Variants in CD5L observed in about 807,000 individuals in gnomAD.
The protein encoded by CD5L is CD5 antigen-like.
CD5L carries 39 observed loss-of-function variants against 40.8 expected under a neutral mutation model. The observed-to-expected ratio is 0.96, with a 90% CI of 0.74 to 1.25. The LOEUF (loss-of-function observed/expected upper bound fraction) is 1.25, where lower values mean the gene tolerates loss of function less well. CD5L is among the 50% of genes most tolerant of loss of function. CD5L has a pLI of 0.00. For missense variants in CD5L, 433 were observed against 435.9 expected, an observed-to-expected ratio of 0.99 and a Z score of 0.06; for synonymous variants, 192 against 169.6, an observed-to-expected ratio of 1.13 and a Z score of -1.03.
At chr1:157,827,401 G>T (rs1655929924), downstream of CD5L, among the ~76,000 whole-genome samples, 2 of 151,976 alleles carry the variant, frequency 1.3e-5, no homozygotes, top group South Asian at 4.2e-4. Flanking sequence ...AGGTGGTGAT[G>T]TAGTTCCAAA....
chr1:157,836,244 C>T, intron 2 of CD5L, 89 bp from the exon 3 acceptor site: 2 of 1,059,926 alleles, frequency 1.9e-6, no homozygotes, highest in Non-Finnish European at 2.7e-6. Flanking sequence ...ACTCTTCCAC[C>T]ATTCAAATGG....
At chr1:157,832,241 G>A (rs1480525726) in intron 5 of CD5L, among the ~76,000 whole-genome samples, 2 of 152,100 alleles carry the variant, frequency 1.3e-5, no homozygotes, top group African/African-American at 4.8e-5. Context: ...GAGGTAAACC[G>A]GACAAGTGTC....
downstream of CD5L, among the ~76,000 whole-genome samples, chr1:157,828,498 A>G (rs1292014408): frequency 6.6e-6 from 1 of 152,078 alleles, no homozygotes; most frequent in Non-Finnish European, 1.5e-5. Context: ...AAGGTTTAAC[A>G]CCAACAGGAG....
rs374773038 is a variant in CD5L at position 157,835,938 on chromosome 1, G to A, written c.273C>T (p.Ile91=). 2.2e-5 allele frequency: 35 copies of A among 1,614,034 alleles called. No homozygotes were observed. Among genetic ancestry groups the A allele is most frequent in the Non-Finnish European group, 2.7e-5 (32 of 1,180,022 alleles). The change falls in exon 3 of 6, where the codon ATC becomes ATT. Residue 91 remains isoleucine, a synonymous_variant. Coordinates refer to ENST00000368174, the MANE Select transcript of CD5L (RefSeq NM_005894.3). ...CTGTTCCTGTGCAACTGACTGATTG[G>A]ATGAGGACCTTTTGCTCTTTTTCTG... ...PPAEKEQKVL[I]QSVSCTGTED... is the part of the protein sequence containing the mutation.
chr1:157,836,119 T>C lies in CD5L; in HGVS notation c.92A>G (p.His31Arg), dbSNP rs763232111. Residue 31 changes from histidine to arginine, a missense_variant, in exon 3 of 6, where the codon CAC becomes CGC. Physicochemically the swap from His to Arg is conservative, Grantham distance 29 (BLOSUM62 0). Coordinates refer to ENST00000368174, the MANE Select transcript of CD5L (RefSeq NM_005894.3). ...CACCTCCACCCGCCCTTCACAGCGG[T>C]GGAGGCCCCCCACCAGCCGCACTCC... ...PSGVRLVGGLHRCEGRVEVEQ... is the reference protein window; with the variant it reads ...PSGVRLVGGLRRCEGRVEVEQ... The C allele has an allele frequency of 1.2e-6, 2 of 1,613,140 alleles. No homozygotes were observed. The highest frequency in any genetic ancestry group is 2.7e-5 in the African/African-American group (2 of 74,814).
At position 157,839,450 on chromosome 1, in the gene CD5L, A is replaced by G. The variant is rs182653318; in HGVS notation, c.29-40T>C. ...AGGAAATGAGTGAGGTCAATTTCCA[A>G]GGCTTTATTCAAAGAACACAACTCT... is the stretch of plus-strand genomic sequence containing the variant. On this transcript the variant is annotated intron_variant, in intron 1 of 5. Coordinates refer to ENST00000368174, the MANE Select transcript of CD5L (RefSeq NM_005894.3). 597 of 1,607,670 alleles carry G rather than the reference A, an allele frequency of 3.7e-4. 1 individual carries two copies. In the African/African-American group the frequency reaches 4.6e-3, roughly 12 times the overall value.
In CD5L at chr1:157,831,262, T is replaced by C. The variant is rs1489899602; in HGVS notation, c.*702A>G. ...ATGTCAACCATGTTGGCAGGTTGTA[T>C]AGGGATGGACAACAAAGATTTTTAT... On this transcript the variant is annotated 3_prime_UTR_variant, in exon 6 of 6. Coordinates refer to ENST00000368174, the MANE Select transcript of CD5L (RefSeq NM_005894.3). The C allele has an allele frequency of 5.1e-6, 5 of 985,186 alleles. No homozygotes were observed. The African/African-American group carries it at 7.0e-5, about 14-fold the overall frequency. The allele number at this position is 985,186 out of a possible 1,614,324, so 61.0% of individuals were successfully genotyped here.
In CD5L at chr1:157,834,646, T is replaced by A. The variant is rs1160949718; in HGVS notation, c.479A>T (p.Tyr160Phe). The A allele has an allele frequency of 6.2e-7, 1 of 1,614,222 alleles. No homozygotes were observed. Among genetic ancestry groups the A allele is most frequent in the Admixed American group, 1.7e-5 (1 of 60,030 alleles). ...GCTCCAGCCTGTCTGGCACACGGTA[T>A]ACCACTGGTTCTGGTGCTTCACTTC... is the stretch of plus-strand genomic sequence containing the variant. The part of the protein sequence containing the change: ...RVEVKHQNQW[Y>F]TVCQTGWSLR... The change falls in exon 4 of 6, where the codon TAT becomes TTT. Residue 160 changes from tyrosine to phenylalanine, a missense_variant. Transcript: ENST00000368174.
In CD5L at chr1:157,831,103, T is replaced by TCACTTTC. The variant is rs1189572078; in HGVS notation, c.*854_*860dup. 5 of 985,450 alleles carry TCACTTTC rather than the reference T, an allele frequency of 5.1e-6. No individual in the cohort carries two copies. The highest frequency in any genetic ancestry group is 6.0e-6 in the Non-Finnish European group (5 of 829,930). 61.0% of individuals were successfully genotyped at this position (985,450 alleles called of 1,614,324 possible). A position where few individuals can be genotyped will look rare whatever the true frequency, so the allele number is the denominator to read the frequency against. ...GTTGATAAAGTGAAAATGATATTTT[T>TCACTTTC]CACTTTCGCTTGGCATAAGACACAA... is the stretch of plus-strand genomic sequence containing the variant. On this transcript the variant is annotated 3_prime_UTR_variant, in exon 6 of 6. Coordinates refer to ENST00000368174, the MANE Select transcript of CD5L (RefSeq NM_005894.3).
At position 157,841,710 on chromosome 1, in the gene CD5L, C is replaced by A. The variant is rs540186540; in HGVS notation, c.-9G>T. On this transcript the variant is annotated 5_prime_UTR_variant, in exon 1 of 6. Coordinates refer to ENST00000368174, the MANE Select transcript of CD5L (RefSeq NM_005894.3). ...GAGAATAGCAGAGCCATGACCAAGG[C>A]AGGTGAAGGTGATGAGCTGAAATTT... is the stretch of plus-strand genomic sequence containing the variant. 6.2e-7 allele frequency: 1 copy of A among 1,612,824 alleles called. No homozygotes were observed. Among genetic ancestry groups the A allele is most frequent in the South Asian group, 1.1e-5 (1 of 90,668 alleles).
chr1:157,829,234 T>C (rs768244022), downstream of CD5L, among the ~76,000 whole-genome samples: 1 of 152,238 alleles, frequency 6.6e-6, no homozygotes, highest in African/African-American at 2.4e-5. Flanking sequence ...ATTTAACTCA[T>C]GTGCAATGAG....
At position 157,831,459 on chromosome 1, in the gene CD5L, C is replaced by T; in HGVS notation, c.*505G>A. The T allele has an allele frequency of 2.0e-6, 2 of 985,152 alleles. No individual in the cohort carries two copies. The highest frequency in any genetic ancestry group is 4.7e-5 in the South Asian group (1 of 21,276). 61.0% of individuals were successfully genotyped at this position (985,152 alleles called of 1,614,324 possible). On this transcript the variant is annotated 3_prime_UTR_variant, in exon 6 of 6. Coordinates refer to ENST00000368174, the MANE Select transcript of CD5L (RefSeq NM_005894.3). ...CTTGAGGAAAAAAAAAAAAAGTAGT[C>T]CAATCAAAAGAATTCTAAACTTTCC...
Position 157,831,687 on chromosome 1 carries a change from G to C in CD5L, c.*277C>G, listed in dbSNP as rs1380441875. 1 of 1,208,028 alleles carries C rather than the reference G, an allele frequency of 8.3e-7. No homozygotes were observed. The highest frequency in any genetic ancestry group is 1.0e-6 in the Non-Finnish European group (1 of 972,588). 74.8% of individuals were successfully genotyped at this position (1,208,028 alleles called of 1,614,324 possible). On this transcript the variant is annotated 3_prime_UTR_variant, in exon 6 of 6. Transcript: ENST00000368174. ...GGCAGCTTGAGAAAAGGCAGGAAAG[G>C]CCAGAACCAGTGTCAAAGGGTCAGG... is the stretch of plus-strand genomic sequence containing the variant.
In CD5L at chr1:157,831,877, A is replaced by G. The variant is rs1656060601; in HGVS notation, c.*87T>C. On this transcript the variant is annotated 3_prime_UTR_variant, in exon 6 of 6. Transcript: ENST00000368174. Reference sequence around the variant, plus strand: ...GAGTAGTGGCTCAAGCCTGAGCCCCAGAATGAGTATGAGGATAATCAGGGC... The same window carrying G: ...GAGTAGTGGCTCAAGCCTGAGCCCCGGAATGAGTATGAGGATAATCAGGGC... The G allele has an allele frequency of 2.7e-6, 4 of 1,494,810 alleles. No homozygotes were observed. Among genetic ancestry groups the G allele is most frequent in the Middle Eastern group, 4.1e-4 (2 of 4,922 alleles). 92.6% of individuals were successfully genotyped at this position (1,494,810 alleles called of 1,614,324 possible). A position where few individuals can be genotyped will look rare whatever the true frequency, so the allele number is the denominator to read the frequency against.
Position 157,835,923 on chromosome 1 carries a change from G to A in CD5L, c.288C>T (p.Cys96=), listed in dbSNP as rs1656199307. Residue 96 remains cysteine (C), a synonymous_variant, in exon 3 of 6, where the codon TGC becomes TGT. Transcript: ENST00000368174. ...GAGCCAATGTATCTTCTGTTCCTGT[G>A]CAACTGACTGATTGGATGAGGACCT... ...EQKVLIQSVS[C]TGTEDTLAQC... 6.2e-7 allele frequency: 1 copy of A among 1,614,146 alleles called. No individual in the cohort carries two copies. The highest frequency in any genetic ancestry group is 8.5e-7 in the Non-Finnish European group (1 of 1,180,002).
At chr1:157,830,092 G>A (rs961414249), downstream of CD5L, among the ~76,000 whole-genome samples, 5 of 152,168 alleles carry the variant, frequency 3.3e-5, no homozygotes, top group Admixed American at 2.0e-4. Context: ...ATGGAACTGC[G>A]GGTTAGGATG....
downstream of CD5L, among the ~76,000 whole-genome samples, chr1:157,829,608 C>T (rs996787639): frequency 6.6e-6 from 1 of 152,102 alleles, no homozygotes; most frequent in East Asian, 1.9e-4. Flanking sequence ...TTTTCAGATC[C>T]ATAAACATGA....
chr1:157,834,692 C>T lies in CD5L; in HGVS notation c.433G>A (p.Gly145Arg), dbSNP rs1237854851. ...ACTTCCACGCGTCCCTTGCAATGCC[C>T]AGGGCCGTCAGCCAGCCTGACACCC... ...PEGVRLADGP[G>R]HCKGRVEVKH... Residue 145 changes from glycine (G) to arginine (R), a missense_variant, in exon 4 of 6, where the codon GGG becomes AGG. Coordinates refer to ENST00000368174, the MANE Select transcript of CD5L (RefSeq NM_005894.3). 1.2e-6 allele frequency: 2 copies of T among 1,614,176 alleles called. No individual in the cohort carries two copies. Among genetic ancestry groups the T allele is most frequent in the African/African-American group, 2.7e-5 (2 of 75,036 alleles).
chr1:157,840,247 T>C (rs1436549392), intron 1 of CD5L, among the ~76,000 whole-genome samples: 1 of 151,976 alleles, frequency 6.6e-6, no homozygotes, highest in East Asian at 1.9e-4. Context: ...AACATGGGGG[T>C]TTCTTCCTGC....
Sources: allele counts gnomAD v4.1 joint callset (sites outside exome capture counted in the v4.1 genomes callset), GRCh38; gene constraint gnomAD v4.1.1; transcripts MANE v1.5; gene names NCBI Gene and HGNC (gene_info 2026-07-23, HGNC 2026-07-21).